Variants in DNMBP observed in about 807,000 individuals in gnomAD.
DNMBP encodes dynamin binding protein, also known as dynamin-binding protein.
Under a neutral mutation model 150.0 loss-of-function variants are expected in DNMBP, and 87 were observed. The ratio of observed to expected loss-of-function variants is 0.58; its 90% confidence interval spans 0.49 to 0.69. DNMBP has a LOEUF of 0.69. DNMBP is among the 30% of genes least tolerant of loss of function. The pLI, the probability that DNMBP is intolerant of heterozygous loss-of-function variation, is 0.00. For synonymous variants in DNMBP, 711 were observed against 750.4 expected, an observed-to-expected ratio of 0.95 and a Z score of 0.86; for missense variants, 1,774 against 1,949.0, an observed-to-expected ratio of 0.91 and a Z score of 1.69.
chr10:100,005,021 A>T (rs921174117), intron 1 of DNMBP, among the ~76,000 whole-genome samples: 3 of 152,234 alleles, frequency 2.0e-5, no homozygotes, highest in Admixed American at 6.5e-5. Flanking sequence ...CAAAATCTCT[A>T]GTCATCAAAG....
chr10:99,929,670 C>T (rs541304012), intron 4 of DNMBP: 28 of 702,604 alleles, frequency 4.0e-5, no homozygotes, highest in Admixed American at 2.0e-4. Context: ...TGCTGTGCGG[C>T]GGAGGCAACT....
At chr10:99,895,893 C>T (rs576569105) in intron 10 of DNMBP, among the ~76,000 whole-genome samples, 4 of 152,194 alleles carry the variant, frequency 2.6e-5, no homozygotes, top group African/African-American at 9.7e-5. Context: ...CTTTCAGCAT[C>T]GCCGATAAAC....
chr10:99,927,065 G>A (rs1160992788), intron 4 of DNMBP: 1 of 152,446 alleles, frequency 6.6e-6, no homozygotes, highest in Non-Finnish European at 1.5e-5. Flanking sequence ...GGTGAGAAAG[G>A]AAAGCCTGGG....
At chr10:99,900,504 C>T (rs1046313637) in intron 6 of DNMBP, among the ~76,000 whole-genome samples, 13 of 152,068 alleles carry the variant, frequency 8.5e-5, no homozygotes, top group Non-Finnish European at 1.5e-4. Flanking sequence ...AGAACAAACA[C>T]ACACACACAC....
In DNMBP at chr10:99,955,552, G is replaced by C; in HGVS notation, c.1922C>G (p.Pro641Arg). 6.2e-7 allele frequency: 1 copy of C among 1,601,234 alleles called. No individual in the cohort carries two copies. Among genetic ancestry groups the C allele is most frequent in the Non-Finnish European group, 8.5e-7 (1 of 1,174,134 alleles). ...GGGAGGCAGGGGAGCTGGGCGAGAG[G>C]GTCGCACCACCAAGGGTGGTGCAGG... ...LKPAPPLVVR[P>R]SRPAPLPPSA... The change falls in exon 4 of 17, where the codon CCC (proline) becomes CGC (arginine). Residue 641 changes from proline to arginine, a missense_variant. Around this residue, in one of 2 missense-constraint regions of DNMBP, gnomAD observed 1,430 missense variants for 1,492.5 expected, o/e 0.96. Coordinates refer to ENST00000324109, the MANE Select transcript of DNMBP (RefSeq NM_015221.4).
intron 1 of DNMBP, among the ~76,000 whole-genome samples, chr10:100,005,076 T>C (rs187049803): frequency 9.2e-5 from 14 of 152,142 alleles, no homozygotes; most frequent in Non-Finnish European, 1.8e-4. Flanking sequence ...GCTTACGAGA[T>C]TGAAAACCAT....
In DNMBP at chr10:99,877,319, G is replaced by A. The variant is rs755859438; in HGVS notation, c.4566C>T (p.Tyr1522=). Residue 1522 remains tyrosine, a synonymous_variant, in exon 17 of 17, where the codon TAC becomes TAT. Transcript: ENST00000324109. ...CATTTGGGTTTCGTGCCTTGAAGGT[G>A]TAGACAGCAAAATAGACCTGTGTGA... ...AEGNQVYFAV[Y]TFKARNPNEL... is the part of the protein sequence containing the mutation. 5 of 1,612,826 alleles carry A rather than the reference G, an allele frequency of 3.1e-6. No individual in the cohort carries two copies. The highest frequency in any genetic ancestry group is 1.1e-5 in the South Asian group (1 of 90,820).
chr10:99,954,060 TCTCA>T (rs2040454216), intron 4 of DNMBP, among the ~76,000 whole-genome samples: 1 of 150,992 alleles, frequency 6.6e-6, no homozygotes, highest in East Asian at 2.0e-4. Flanking sequence ...GGAGACAGGG[TCTCA>T]CTCTGTTGCC....
At chr10:99,970,983 A>AAAATAAAAAAAAAAAAT (rs1564750400) in intron 2 of DNMBP, among the ~76,000 whole-genome samples, 9 of 147,356 alleles carry the variant, frequency 6.1e-5, no homozygotes, top group African/African-American at 2.3e-4. Flanking sequence ...AAAAAAAAAA[A>AAAATAAAAAAAAAAAAT]AAAAAAAAAA....
At chr10:99,915,785 A>C (rs2039959216) in intron 4 of DNMBP, among the ~76,000 whole-genome samples, 1 of 152,244 alleles carries the variant, frequency 6.6e-6, no homozygotes, top group Admixed American at 6.5e-5. Context: ...TTTTACAAAT[A>C]TTAATTTAGC....
At chr10:99,979,715 T>C (rs1313264365) in intron 1 of DNMBP, among the ~76,000 whole-genome samples, 1 of 152,230 alleles carries the variant, frequency 6.6e-6, no homozygotes, top group Non-Finnish European at 1.5e-5. Flanking sequence ...TGAAACAATT[T>C]GGCAAGAATC....
intron 4 of DNMBP, among the ~76,000 whole-genome samples, chr10:99,919,073 A>G (rs2039995714): frequency 6.6e-6 from 1 of 152,214 alleles, no homozygotes; most frequent in Admixed American, 6.5e-5. Context: ...GTTCTATTTT[A>G]CCAAGGCTCT....
chr10:99,979,915 C>A (rs890935608), intron 1 of DNMBP, among the ~76,000 whole-genome samples: 1 of 152,144 alleles, frequency 6.6e-6, no homozygotes, highest in African/African-American at 2.4e-5. Context: ...TGGTTTACTG[C>A]TGTTTATTTC....
intron 14 of DNMBP, 30 bp downstream of exon 14, chr10:99,885,657 C>T (rs570049402): frequency 2.8e-5 from 43 of 1,537,848 alleles, no homozygotes; most frequent in Middle Eastern, 2.2e-4. Flanking sequence ...TACCCCGAGG[C>T]GGGGCTGCTG....
At chr10:99,954,480 C>T (rs1039874723) in intron 4 of DNMBP, among the ~76,000 whole-genome samples, 5 of 151,916 alleles carry the variant, frequency 3.3e-5, no homozygotes, top group Admixed American at 2.6e-4. Context: ...TGCGGTGGCT[C>T]ATGCCTGTAA....
At chr10:99,892,044 G>T (rs1241379832) in intron 11 of DNMBP, among the ~76,000 whole-genome samples, 6 of 138,970 alleles carry the variant, frequency 4.3e-5, no homozygotes, top group Admixed American at 2.7e-4. Context: ...GGAGGGAGGT[G>T]GGGGGGTCAG....
In DNMBP at chr10:99,915,140, C is replaced by CACAT. The variant is rs1554863128; in HGVS notation, c.2261-5995_2261-5994insATGT. Among the ~76,000 whole-genome samples, 180 of 137,230 alleles carry CACAT rather than the reference C, an allele frequency of 1.3e-3. 1 individual carries two copies. The highest frequency in any genetic ancestry group is 4.6e-3 in the South Asian group (20 of 4,348). 90.0% of individuals were successfully genotyped at this position (137,230 alleles called of 152,430 possible). ...ATATATATATATATACACACACACACATATATATACATATATATACACATA... is the reference window on the plus strand; with the variant it reads ...ATATATATATATATACACACACACACACATATATATATACATATATATACACATA... On this transcript the variant is annotated intron_variant, in intron 4 of 16. Transcript: ENST00000324109.
intron 4 of DNMBP, among the ~76,000 whole-genome samples, chr10:99,929,180 T>C (rs1306994968): frequency 6.6e-6 from 1 of 151,738 alleles, no homozygotes; most frequent in Admixed American, 6.6e-5. Context: ...TCAAGTCTTC[T>C]TTTCCATTAA....
chr10:99,956,724 G>C lies in DNMBP; in HGVS notation c.750C>G (p.Ala250=), dbSNP rs765891394. ...DEEEPGTYGV[A]LYRFQALEPN... ...GCTCCAGGGCTTGGAATCTGTACAGGGCGACCCCATAGGTCCCTGGCTCCT... is the reference window on the plus strand; with the variant it reads ...GCTCCAGGGCTTGGAATCTGTACAGCGCGACCCCATAGGTCCCTGGCTCCT... The change falls in exon 4 of 17, where the codon GCC becomes GCG. Residue 250 remains alanine, a synonymous_variant. Transcript: ENST00000324109. 1 of 1,613,936 alleles carries C rather than the reference G, an allele frequency of 6.2e-7. No homozygotes were observed. Among genetic ancestry groups the C allele is most frequent in the South Asian group, 1.1e-5 (1 of 91,068 alleles).
Sources: gnomAD v4.1 joint callset for allele counts (sites outside exome capture counted in the v4.1 genomes callset) on GRCh38, gnomAD v4.1.1 for gene constraint, gnomAD v4.1.1 regional missense constraint, MANE v1.5 for transcripts, NCBI Gene and HGNC (gene_info 2026-07-23, HGNC 2026-07-21) for gene names.